ZFYVE28: variants seen among roughly 807,000 people sequenced by gnomAD.
ZFYVE28 encodes zinc finger FYVE-type containing 28, also known as lateral signaling target protein 2 homolog.
In ZFYVE28, 40 loss-of-function variants were observed where a neutral mutation model predicts 82.1. The observed-to-expected ratio is 0.49, with a 90% CI of 0.38 to 0.63. ZFYVE28 has a LOEUF of 0.63. ZFYVE28 is among the 30% of genes least tolerant of loss of function. ZFYVE28 has a pLI of 0.00. For missense variants in ZFYVE28, 1,321 were observed against 1,242.1 expected, an observed-to-expected ratio of 1.06 and a Z score of -0.96; for synonymous variants, 612 against 546.1, an observed-to-expected ratio of 1.12 and a Z score of -1.68.
chr4:2,339,697 C>T lies in ZFYVE28; in HGVS notation c.319-42G>A. 6.5e-7 allele frequency: 1 copy of T among 1,540,460 alleles called. No homozygotes were observed. The highest frequency in any genetic ancestry group is 8.7e-7 in the Non-Finnish European group (1 of 1,143,178). ...ACTCAGGGAGGGGCCCGGGTGAGGGCCAGGCTCTCAGGGGTCGCCGACCCG... is the reference window on the plus strand; with the variant it reads ...ACTCAGGGAGGGGCCCGGGTGAGGGTCAGGCTCTCAGGGGTCGCCGACCCG... On this transcript the variant is annotated intron_variant, in intron 3 of 12. Transcript: ENST00000290974. This position sits in a 1 kb window ranked among gnomAD's most constrained non-coding sequence, Gnocchi z 5.0.
rs549077046 is a variant in ZFYVE28 at position 2,320,868 on chromosome 4, G to A, written c.702-597C>T. On this transcript the variant is annotated intron_variant, in intron 6 of 12. Transcript: ENST00000290974. The surrounding 1 kb of genome is among the most constrained non-coding windows in gnomAD (Gnocchi z 5.1). The stretch of plus-strand genomic sequence containing the variant: ...AGCTCCCCTCCCCAGGACTGGGGCC[G>A]CATGTGGCTGAGGCCGGCTTTCCTC... 5.3e-5 allele frequency among the ~76,000 whole-genome samples: 8 copies of A among 152,194 alleles called. No individual in the cohort carries two copies. The highest frequency in any genetic ancestry group is 1.9e-4 in the East Asian group (1 of 5,160).
intron 8 of ZFYVE28, among the ~76,000 whole-genome samples, chr4:2,291,322 A>G (rs555766024): frequency 2.1e-4 from 32 of 152,292 alleles, no homozygotes; most frequent in African/African-American, 7.5e-4. Flanking sequence ...TCCTGGTCCC[A>G]TGGGGTGGAG....
rs1054388597 is a variant in ZFYVE28, at chr4:2,349,994, T to C, written c.180+3939A>G. ...CTGCTCTCACCACTTCTATTCAACT[T>C]TGTACTGGAATTCTAGCTAGTTCAA... is the stretch of plus-strand genomic sequence containing the variant. On this transcript the variant is annotated intron_variant, in intron 2 of 12. Coordinates refer to ENST00000290974, the MANE Select transcript of ZFYVE28 (RefSeq NM_020972.3). Among the ~76,000 whole-genome samples, 5 of 151,272 alleles carry C rather than the reference T, an allele frequency of 3.3e-5. No individual in the cohort carries two copies. The South Asian group carries it at 1.0e-3, about 32-fold the overall frequency.
At chr4:2,272,442 C>T (rs992010912) in intron 10 of ZFYVE28, among the ~76,000 whole-genome samples, 9 of 152,224 alleles carry the variant, frequency 5.9e-5, no homozygotes, top group Non-Finnish European at 1.3e-4. Context: ...GGGCCAGACT[C>T]CCTGTGCCTA....
At position 2,366,865 on chromosome 4, in the gene ZFYVE28, G is replaced by A. The variant is rs551590268; in HGVS notation, c.40-12792C>T. Among the ~76,000 whole-genome samples the A allele has an allele frequency of 1.1e-4, 16 of 152,304 alleles. 1 individual carries two copies. The highest frequency in any genetic ancestry group is 3.1e-4 in the African/African-American group (13 of 41,558). On this transcript the variant is annotated intron_variant, in intron 1 of 12. Transcript: ENST00000290974. ...CCTTACAGGAGAAACAGCTGGGCAC[G>A]GCGCCACGCAAACCCCAGGTGATAA...
At chr4:2,321,915 C>A (rs1274479798) in intron 6 of ZFYVE28, among the ~76,000 whole-genome samples, 1 of 152,154 alleles carries the variant, frequency 6.6e-6, no homozygotes, top group Non-Finnish European at 1.5e-5. Context: ...AAGGCCCACC[C>A]ATGAGAGCTG....
chr4:2,280,746 C>T (rs539322011), intron 8 of ZFYVE28, among the ~76,000 whole-genome samples: 1 of 152,208 alleles, frequency 6.6e-6, no homozygotes, highest in Non-Finnish European at 1.5e-5. Context: ...ATGGCACCCT[C>T]GGGCCCTGCC....
intron 1 of ZFYVE28, among the ~76,000 whole-genome samples, chr4:2,383,540 T>A (rs1238998468): frequency 6.6e-6 from 1 of 152,208 alleles, no homozygotes; most frequent in Non-Finnish European, 1.5e-5. Context: ...CTCCTTTCCC[T>A]TAGTGGCAGC....
intron 2 of ZFYVE28, among the ~76,000 whole-genome samples, chr4:2,353,300 C>T (rs769934472): frequency 6.6e-6 from 1 of 152,218 alleles, no homozygotes; most frequent in Non-Finnish European, 1.5e-5. Context: ...AGACTCCCCC[C>T]TGTTGGAGGA....
rs1726334790 is a variant in ZFYVE28, at chr4:2,362,751, G to T, written c.40-8678C>A. On this transcript the variant is annotated intron_variant, in intron 1 of 12. Coordinates refer to ENST00000290974, the MANE Select transcript of ZFYVE28 (RefSeq NM_020972.3). This position sits in a 1 kb window ranked among gnomAD's most constrained non-coding sequence, Gnocchi z 5.1. ...CACCCACCCCAATGTTACTATTGTT[G>T]CTACTGTCTCCCTCCCCATCCATCT... 6.6e-6 allele frequency among the ~76,000 whole-genome samples: 1 copy of T among 152,078 alleles called. No individual in the cohort carries two copies. Among genetic ancestry groups the T allele is most frequent in the African/African-American group, 2.4e-5 (1 of 41,430 alleles).
intron 1 of ZFYVE28, among the ~76,000 whole-genome samples, chr4:2,361,257 C>T (rs995974709): frequency 4.9e-5 from 6 of 122,888 alleles, no homozygotes; most frequent in Non-Finnish European, 8.5e-5. Flanking sequence ...AAAATATGCA[C>T]GAACAAAGCA....
intron 1 of ZFYVE28, among the ~76,000 whole-genome samples, chr4:2,397,639 C>T (rs1019004779): frequency 6.6e-6 from 1 of 152,168 alleles, no homozygotes; most frequent in Non-Finnish European, 1.5e-5. Context: ...GAACATCATG[C>T]CTCTAGGGAC....
chr4:2,359,270 C>T lies in ZFYVE28; in HGVS notation c.40-5197G>A, dbSNP rs141226574. The stretch of plus-strand genomic sequence containing the variant: ...TTCTGGGATTACAGGGGTGAGCCAC[C>T]GTGCCCAGCCAAGGCCAGCCAATTT... On this transcript the variant is annotated intron_variant, in intron 1 of 12. Coordinates refer to ENST00000290974, the MANE Select transcript of ZFYVE28 (RefSeq NM_020972.3). 2.9e-3 allele frequency among the ~76,000 whole-genome samples: 447 copies of T among 151,818 alleles called. 4 individuals are homozygous for T. The highest frequency in any genetic ancestry group is 0.01 in the African/African-American group (426 of 41,378).
chr4:2,303,287 C>T (rs532171741), intron 8 of ZFYVE28, among the ~76,000 whole-genome samples: 34 of 152,300 alleles, frequency 2.2e-4, no homozygotes, highest in East Asian at 5.8e-4. Context: ...GGCGTCTGCC[C>T]GCCACCAAGA....
At chr4:2,287,620 C>G (rs6599424) in intron 8 of ZFYVE28, 94,571 of 152,258 alleles carry the variant, frequency 0.62, 29,780 homozygotes, top group African/African-American at 0.69. Context: ...GGTGTTCCCT[C>G]TACAGAGGCC....
At chr4:2,330,594 T>C in intron 6 of ZFYVE28, 7 of 1,252,092 alleles carry the variant, frequency 5.6e-6, no homozygotes, top group South Asian at 3.5e-5. Context: ...TGGGATAGCA[T>C]AGAGGAGGGA....
intron 1 of ZFYVE28, among the ~76,000 whole-genome samples, chr4:2,356,715 C>T (rs1393734864): frequency 6.6e-6 from 1 of 152,208 alleles, no homozygotes; most frequent in Non-Finnish European, 1.5e-5. Flanking sequence ...CTTGTTCCTG[C>T]TCTACTGCGT....
intron 8 of ZFYVE28, among the ~76,000 whole-genome samples, chr4:2,297,305 G>A (rs527706548): frequency 1.1e-4 from 17 of 152,328 alleles, no homozygotes; most frequent in East Asian, 5.8e-4. Context: ...CAGCAGGCCC[G>A]GGAGAGCTGC....
chr4:2,315,607 C>T (rs1261845185), intron 7 of ZFYVE28, among the ~76,000 whole-genome samples: 4 of 152,208 alleles, frequency 2.6e-5, no homozygotes, highest in Non-Finnish European at 5.9e-5. Context: ...TATTTCACTG[C>T]TTGTCAGCTT....
Sources: allele counts gnomAD v4.1 joint callset (sites outside exome capture counted in the v4.1 genomes callset), GRCh38; gene constraint gnomAD v4.1.1; non-coding constraint Gnocchi (gnomAD v3.1); transcripts MANE v1.5; gene names NCBI Gene and HGNC (gene_info 2026-07-23, HGNC 2026-07-21).